The following DUOXA1 variants were observed in gnomAD, a reference collection of about 807,000 sequenced individuals.
DUOXA1 encodes the protein dual oxidase maturation factor 1, also known as dual oxidase activator 1.
DUOXA1 carries 19 observed loss-of-function variants against 26.6 expected under a neutral mutation model. The observed-to-expected ratio is 0.71, with a 90% confidence interval of 0.50 to 1.05. The LOEUF is 1.05. Ranked by LOEUF, DUOXA1 falls within the 50% of genes least tolerant of loss-of-function variation. The probability of loss-of-function intolerance (pLI) is 0.00; values close to 1 mark genes in which losing one functional copy is unlikely to be tolerated. For missense variants in DUOXA1, 403 were observed against 427.5 expected, an observed-to-expected ratio of 0.94 and a Z score of 0.51; for synonymous variants, 166 against 177.0, an observed-to-expected ratio of 0.94 and a Z score of 0.49.
At position 45,117,956 on chromosome 15, in the gene DUOXA1, C is replaced by T. The variant is rs1451477268; in HGVS notation, c.*1150G>A. 1.9e-6 allele frequency: 3 copies of T among 1,612,804 alleles called. No homozygotes were observed. Among genetic ancestry groups the T allele is most frequent in the Middle Eastern group, 1.7e-4 (1 of 6,056 alleles). On this transcript the variant is annotated 3_prime_UTR_variant, in exon 9 of 9. Coordinates refer to ENST00000560572, the MANE Select transcript of DUOXA1 (RefSeq NM_001276266.2). ...TTCCCCGCCTTGGGACATCGCAGGCCGGGAAGCAGTGCCCGCCAGGCCTGG... is the reference window on the plus strand; with the variant it reads ...TTCCCCGCCTTGGGACATCGCAGGCTGGGAAGCAGTGCCCGCCAGGCCTGG...
At chr15:45,123,964 G>A (rs1395737474) in intron 3 of DUOXA1, among the ~76,000 whole-genome samples, 1 of 152,020 alleles carries the variant, frequency 6.6e-6, no homozygotes, top group Non-Finnish European at 1.5e-5. Flanking sequence ...CACAAATAAA[G>A]GGGAAAAAAA....
In DUOXA1 at chr15:45,117,869, C is replaced by T; in HGVS notation, c.*1237G>A. 1.2e-6 allele frequency: 2 copies of T among 1,613,634 alleles called. No individual in the cohort carries two copies. The highest frequency in any genetic ancestry group is 1.7e-6 in the Non-Finnish European group (2 of 1,180,032). On this transcript the variant is annotated 3_prime_UTR_variant, in exon 9 of 9. Transcript: ENST00000560572. The stretch of plus-strand genomic sequence containing the variant: ...CTCGGCGACCCACTGCACAAGCAGG[C>T]CGCTCTCCCAGACTTAAAATGTATC...
chr15:45,121,547 C>T (rs1895210053), intron 5 of DUOXA1, among the ~76,000 whole-genome samples: 1 of 152,232 alleles, frequency 6.6e-6, no homozygotes, highest in Non-Finnish European at 1.5e-5. Context: ...CGGAGTCTTG[C>T]TCTGTCTCCC....
intron 5 of DUOXA1, 55 bp from the exon 6 acceptor site, chr15:45,121,276 G>A: frequency 1.2e-6 from 2 of 1,612,132 alleles, no homozygotes; most frequent in South Asian, 1.1e-5. Flanking sequence ...GCATTACTAG[G>A]TTAGAGTCAG....
chr15:45,126,561 T>C (rs1231070722), intron 3 of DUOXA1, among the ~76,000 whole-genome samples: 1 of 152,264 alleles, frequency 6.6e-6, no homozygotes, highest in Admixed American at 6.5e-5. Flanking sequence ...ATGATAACAA[T>C]GATTACATTG....
chr15:45,123,408 A>G (rs1269288710), intron 3 of DUOXA1, among the ~76,000 whole-genome samples: 1 of 152,230 alleles, frequency 6.6e-6, no homozygotes, highest in East Asian at 1.9e-4. Context: ...CAGATAGATC[A>G]CAGAACATAA....
chr15:45,127,115 T>A (rs1895741354), intron 3 of DUOXA1, among the ~76,000 whole-genome samples: 1 of 152,218 alleles, frequency 6.6e-6, no homozygotes, highest in Admixed American at 6.5e-5. Flanking sequence ...GCTATTATAT[T>A]TTTAAATAAA....
At chr15:45,127,890 A>G (rs1895799502) in intron 3 of DUOXA1, among the ~76,000 whole-genome samples, 1 of 152,214 alleles carries the variant, frequency 6.6e-6, no homozygotes, top group Non-Finnish European at 1.5e-5. Context: ...ATATGCACCT[A>G]CAAATTTAGA....
rs1748944581 is a variant in DUOXA1 at position 45,117,982 on chromosome 15, G to C, written c.*1124C>G. 6.2e-7 allele frequency: 1 copy of C among 1,612,528 alleles called. No individual in the cohort carries two copies. The highest frequency in any genetic ancestry group is 8.5e-7 in the Non-Finnish European group (1 of 1,179,556). ...GGGAAGCAGTGCCCGCCAGGCCTGGGCCAGGAGAGCTCCAGGAAGGGCACT... is the reference window on the plus strand; with the variant it reads ...GGGAAGCAGTGCCCGCCAGGCCTGGCCCAGGAGAGCTCCAGGAAGGGCACT... On this transcript the variant is annotated 3_prime_UTR_variant, in exon 9 of 9. Transcript: ENST00000560572.
intron 3 of DUOXA1, among the ~76,000 whole-genome samples, chr15:45,124,962 G>C (rs752691100): frequency 2.6e-5 from 4 of 152,044 alleles, no homozygotes; most frequent in Non-Finnish European, 5.9e-5. Context: ...TAATCCCCAG[G>C]TCCCTTTTAG....
chr15:45,122,124 G>T (rs1457671901), intron 5 of DUOXA1, 61 bp downstream of exon 5: 3 of 1,534,066 alleles, frequency 2.0e-6, no homozygotes, highest in Non-Finnish European at 2.7e-6. Context: ...GGAGATGCAG[G>T]CTGCTGAGGG....
Position 45,118,180 on chromosome 15 carries a change from GACAGCCTAGTAC to G in DUOXA1, c.*914_*925del. The stretch of plus-strand genomic sequence containing the variant: ...TCCTCATGAGCTTCGCTGGGCTGGA[GACAGCCTAGTAC>G]ACTCTCCGCAGTGCTGTGAAACCTG... On this transcript the variant is annotated 3_prime_UTR_variant, in exon 9 of 9. Transcript: ENST00000560572. The G allele has an allele frequency of 2.8e-6, 4 of 1,435,642 alleles. No homozygotes were observed. In the South Asian group the frequency reaches 4.5e-5, roughly 16 times the overall value. 88.9% of individuals were successfully genotyped at this position (1,435,642 alleles called of 1,614,324 possible). A position where few individuals can be genotyped will look rare whatever the true frequency, so the allele number is the denominator to read the frequency against.
chr15:45,119,630 T>C (rs1894958108), intron 8 of DUOXA1, among the ~76,000 whole-genome samples: 1 of 146,792 alleles, frequency 6.8e-6, no homozygotes, highest in African/African-American at 2.5e-5. Flanking sequence ...ACTCTGAAAA[T>C]AGGGAGAGAA....
chr15:45,125,311 T>C (rs930544868), intron 3 of DUOXA1, among the ~76,000 whole-genome samples: 6 of 152,064 alleles, frequency 3.9e-5, no homozygotes, highest in African/African-American at 1.4e-4. Flanking sequence ...TTGTCCCCCT[T>C]CCCATCATAG....
chr15:45,122,809 C>T, intron 4 of DUOXA1, 59 bp downstream of exon 4: 2 of 1,527,946 alleles, frequency 1.3e-6, no homozygotes, highest in Non-Finnish European at 1.8e-6. Context: ...AGACTCTGAA[C>T]CCCTCAGCCT....
chr15:45,123,024 G>A lies in DUOXA1; in HGVS notation c.-10C>T, dbSNP rs1421378600. 2 of 1,606,174 alleles carry A rather than the reference G, an allele frequency of 1.2e-6. No homozygotes were observed. Among genetic ancestry groups the A allele is most frequent in the Admixed American group, 3.4e-5 (2 of 59,186 alleles). ...GTCCCAAAGTAGCCATCTTGGTGAG[G>A]TGGTGCAGGGGGGGCAATGCTGTAC... On this transcript the variant is annotated 5_prime_UTR_variant, in exon 4 of 9. Transcript: ENST00000560572.
In DUOXA1 at chr15:45,117,702, C is replaced by A; in HGVS notation, c.*1404G>T. 1 of 1,613,604 alleles carries A rather than the reference C, an allele frequency of 6.2e-7. No homozygotes were observed. The highest frequency in any genetic ancestry group is 8.5e-7 in the Non-Finnish European group (1 of 1,179,704). ...TCCACATGCCCTCCTTTCTTTCGAT[C>A]CCCACCGCCACAGGCGTCCTGTGCC... On this transcript the variant is annotated 3_prime_UTR_variant, in exon 9 of 9. Coordinates refer to ENST00000560572, the MANE Select transcript of DUOXA1 (RefSeq NM_001276266.2).
intron 5 of DUOXA1, among the ~76,000 whole-genome samples, chr15:45,121,591 T>G (rs373232115): frequency 2.0e-4 from 30 of 152,358 alleles, no homozygotes; most frequent in African/African-American, 7.2e-4. Context: ...CTTGGTTCAC[T>G]GCAACCTCCG....
intron 5 of DUOXA1, among the ~76,000 whole-genome samples, chr15:45,121,537 C>T (rs537607470): frequency 6.0e-4 from 91 of 152,344 alleles, no homozygotes; most frequent in African/African-American, 2.0e-3. Context: ...TTCTTTGAGA[C>T]GGAGTCTTGC....
Sources: gnomAD v4.1 joint callset for allele counts (sites outside exome capture counted in the v4.1 genomes callset) on GRCh38, gnomAD v4.1.1 for gene constraint, MANE v1.5 for transcripts, NCBI Gene and HGNC (gene_info 2026-07-23, HGNC 2026-07-21) for gene names.